Variants in NINL observed in about 807,000 individuals in gnomAD.
NINL encodes ninein like.
Under a neutral mutation model 160.3 loss-of-function variants are expected in NINL, and 153 were observed. The ratio of observed to expected loss-of-function variants is 0.95; its 90% CI spans 0.84 to 1.09. NINL has a LOEUF of 1.09. NINL is among the 50% of genes least tolerant of loss of function. NINL has a pLI of 0.00. For missense variants in NINL, 1,829 were observed against 1,764.0 expected (o/e 1.04, Z -0.66); for synonymous variants, 800 against 734.8 (o/e 1.09, Z -1.43).
At chr20:25,462,254 C>G in intron 20 of NINL, 129 bp downstream of exon 20, 1 of 815,598 alleles carries the variant, frequency 1.2e-6, no homozygotes, top group Non-Finnish European at 1.9e-6. Context: ...CCTACTTCTC[C>G]AAGGCATGCT....
At position 25,480,288 on chromosome 20, in the gene NINL, C is replaced by T. The variant is rs1274339124; in HGVS notation, c.1811-21G>A. 2.5e-6 allele frequency: 4 copies of T among 1,600,366 alleles called. No individual in the cohort carries two copies. The East Asian group carries it at 6.7e-5, about 27-fold the overall frequency. On this transcript the variant is annotated intron_variant, in intron 14 of 23. Transcript: ENST00000278886. ...AATGCCTGCAAACAAGAGGCCACTT[C>T]CGTTTGTCACACTGAGGATGCCACG...
Position 25,517,772 on chromosome 20 carries a change from G to C in NINL, c.258C>G (p.Asp86Glu). 1.2e-6 allele frequency: 2 copies of C among 1,603,146 alleles called. No homozygotes were observed. Among genetic ancestry groups the C allele is most frequent in the Non-Finnish European group, 8.5e-7 (1 of 1,176,974 alleles). The change falls in exon 3 of 24, where the codon GAC becomes GAG. Residue 86 changes from aspartate (D) to glutamate (E), a missense_variant. By Grantham distance (45) the Asp-to-Glu change is conservative (BLOSUM62 2). Coordinates refer to ENST00000278886, the MANE Select transcript of NINL (RefSeq NM_025176.6). ...TCTTACCTGATTCCAAAGAACTACT[G>C]TCTTCATCTGAGGGGCGAACACCAG... The part of the protein sequence containing the change: ...SNAGVRPSDE[D>E]SSSLESAASS...
chr20:25,569,553 C>T (rs2065031744), intron 1 of NINL, among the ~76,000 whole-genome samples: 1 of 152,198 alleles, frequency 6.6e-6, no homozygotes. Flanking sequence ...TGTCTCAGAG[C>T]CTGGAGGGCA....
intron 13 of NINL, among the ~76,000 whole-genome samples, chr20:25,482,708 G>A (rs1018393792): frequency 6.7e-6 from 1 of 150,368 alleles, no homozygotes; most frequent in African/African-American, 2.4e-5. Context: ...AAGTGAGGCA[G>A]CTCCTGGGGA....
chr20:25,583,047 A>T lies in NINL; in HGVS notation c.-12+2408T>A, dbSNP rs180836405. ...AAAAAACCTAAAAGAAAACCTAGGC[A>T]ATACTATTCAGGACATAGGCATGGG... On this transcript the variant is annotated intron_variant, in intron 1 of 23. Transcript: ENST00000278886. Among the ~76,000 whole-genome samples, 10 of 152,354 alleles carry T rather than the reference A, an allele frequency of 6.6e-5. 1 individual carries two copies. Among genetic ancestry groups the T allele is most frequent in the Admixed American group, 2.0e-4 (3 of 15,298 alleles).
intron 1 of NINL, among the ~76,000 whole-genome samples, chr20:25,570,694 C>CTTTTTTTT (rs57981279): frequency 1.1e-5 from 1 of 91,010 alleles, no homozygotes; most frequent in Non-Finnish European, 2.0e-5. Flanking sequence ...GGCAAGTAGA[C>CTTTTTTTT]TTTTTTTTTT....
chr20:25,545,178 A>C (rs1186841521), intron 1 of NINL, among the ~76,000 whole-genome samples: 1 of 152,192 alleles, frequency 6.6e-6, no homozygotes, highest in African/African-American at 2.4e-5. Flanking sequence ...CAGTAAGGGA[A>C]TGGTTCTATT....
chr20:25,574,976 A>G (rs879563640), intron 1 of NINL, among the ~76,000 whole-genome samples: 1 of 152,172 alleles, frequency 6.6e-6, no homozygotes, highest in Admixed American at 6.5e-5. Flanking sequence ...CTAAGATGGC[A>G]TCAGTTTTTA....
chr20:25,461,342 C>T (rs578244387), intron 21 of NINL, among the ~76,000 whole-genome samples, 180 bp downstream of exon 21: 1 of 152,330 alleles, frequency 6.6e-6, no homozygotes, highest in South Asian at 2.1e-4. Flanking sequence ...TGCTGACAGT[C>T]AAACCAACCC....
intron 1 of NINL, among the ~76,000 whole-genome samples, chr20:25,533,551 A>C (rs952846501): frequency 6.6e-6 from 1 of 152,246 alleles, no homozygotes; most frequent in Non-Finnish European, 1.5e-5. Flanking sequence ...AATTCCATAC[A>C]GTAGTCAAAT....
intron 2 of NINL, among the ~76,000 whole-genome samples, chr20:25,525,178 T>A (rs752962445): frequency 6.6e-6 from 1 of 152,134 alleles, no homozygotes; most frequent in Non-Finnish European, 1.5e-5. Context: ...GAGTTCCTTA[T>A]GAGGGAGGCA....
At chr20:25,538,861 C>T (rs975194010) in intron 1 of NINL, among the ~76,000 whole-genome samples, 2 of 152,054 alleles carry the variant, frequency 1.3e-5, no homozygotes, top group African/African-American at 4.8e-5. Flanking sequence ...GGCTGGGGAA[C>T]ACAGGGTCAG....
chr20:25,532,863 C>G (rs2064491447), intron 1 of NINL, among the ~76,000 whole-genome samples: 1 of 152,214 alleles, frequency 6.6e-6, no homozygotes, highest in Non-Finnish European at 1.5e-5. Flanking sequence ...CTGTCCTCCC[C>G]TCACCCCAGG....
chr20:25,482,022 G>A lies in NINL; in HGVS notation c.1756C>T (p.Pro586Ser). 6.3e-7 allele frequency: 1 copy of A among 1,598,670 alleles called. No individual in the cohort carries two copies. The highest frequency in any genetic ancestry group is 1.1e-5 in the South Asian group (1 of 91,042). Residue 586 changes from proline (P) to serine (S), a missense_variant, in exon 14 of 24, where the codon CCC (proline) becomes TCC (serine). By Grantham distance (74) the Pro-to-Ser change is moderately conservative. Coordinates refer to ENST00000278886, the MANE Select transcript of NINL (RefSeq NM_025176.6). The stretch of plus-strand genomic sequence containing the variant: ...CTGCGCCCATCCGGGCTCCATGAGG[G>A]GCTGTGCCGGTTCTTGGGCAGCCGC... ...WARLPKNRHS[P>S]SWSPDGRRRQ...
At chr20:25,580,725 A>G (rs2065165202) in intron 1 of NINL, among the ~76,000 whole-genome samples, 1 of 152,250 alleles carries the variant, frequency 6.6e-6, no homozygotes, top group African/African-American at 2.4e-5. Context: ...AACAACAATA[A>G]TCAGAATCCA....
chr20:25,504,216 T>C, intron 6 of NINL, 112 bp from the exon 7 acceptor site: 2 of 1,117,580 alleles, frequency 1.8e-6, no homozygotes, highest in East Asian at 5.0e-5. Flanking sequence ...ACAAGGGCCG[T>C]TTCCTAGTCT....
chr20:25,547,170 AGCG>A (rs2064744135), intron 1 of NINL, among the ~76,000 whole-genome samples: 1 of 152,072 alleles, frequency 6.6e-6, no homozygotes, highest in African/African-American at 2.4e-5. Flanking sequence ...CAACTACACC[AGCG>A]TTTATATTAC....
chr20:25,488,470 C>T (rs1012708019), intron 13 of NINL, among the ~76,000 whole-genome samples: 3 of 152,028 alleles, frequency 2.0e-5, no homozygotes, highest in East Asian at 1.9e-4. Flanking sequence ...ATGATCCACC[C>T]GCCTCGGCCT....
At chr20:25,536,376 G>C (rs1600299276) in intron 1 of NINL, among the ~76,000 whole-genome samples, 1 of 152,188 alleles carries the variant, frequency 6.6e-6, no homozygotes, top group South Asian at 2.1e-4. Context: ...TTTTGACAAG[G>C]CTGATGGAGC....
Sources: allele counts gnomAD v4.1 joint callset (sites outside exome capture counted in the v4.1 genomes callset), GRCh38; gene constraint gnomAD v4.1.1; transcripts MANE v1.5; gene names NCBI Gene and HGNC (gene_info 2026-07-23, HGNC 2026-07-21).